The following PRKAA1 variants were observed in gnomAD, a reference collection of about 807,000 sequenced individuals.
The protein encoded by PRKAA1 is 5'-AMP-activated protein kinase catalytic subunit alpha-1.
PRKAA1 carries 23 observed loss-of-function variants against 56.9 expected under a neutral mutation model. The observed-to-expected ratio is 0.40, with a 90% CI of 0.29 to 0.57. The LOEUF (loss-of-function observed/expected upper bound fraction) is 0.57. Among genes scored for constraint, PRKAA1 ranks in the 20% least tolerant of loss-of-function variants. The probability of loss-of-function intolerance (pLI) is 0.39; values close to 1 mark genes in which losing one functional copy is unlikely to be tolerated. For synonymous variants in PRKAA1, 226 were observed against 227.0 expected (o/e 1.00, Z 0.04); for missense variants, 413 against 679.7 (o/e 0.61, Z 4.36).
intron 1 of PRKAA1, among the ~76,000 whole-genome samples, chr5:40,793,317 G>T (rs190286277): frequency 6.6e-6 from 1 of 151,950 alleles, no homozygotes; most frequent in African/African-American, 2.4e-5. Flanking sequence ...AGATGCCTTG[G>T]AAACAATAAA....
At chr5:40,797,619 A>G (rs1744985409) in intron 1 of PRKAA1, among the ~76,000 whole-genome samples, 2 of 152,226 alleles carry the variant, frequency 1.3e-5, no homozygotes, top group Admixed American at 6.5e-5. Context: ...GAGGACGGAA[A>G]TACCGACAAC....
Position 40,798,186 on chromosome 5 carries a change from G to A in PRKAA1, c.4C>T (p.Arg2Cys), listed in dbSNP as rs1033125825. 1.3e-6 allele frequency: 2 copies of A among 1,536,020 alleles called. No individual in the cohort carries two copies. Among genetic ancestry groups the A allele is most frequent in the Admixed American group, 1.8e-5 (1 of 54,396 alleles). ...ATCTTTCTCCAGGAACTGAGTCTGC[G>A]CATGGCGCTGCGGGAGGGGGCGGAG... Reference protein sequence around the residue: MRRLSSWRKMAT... With the variant: MCRLSSWRKMAT... The change falls in exon 1 of 9, where the codon CGC becomes TGC. Residue 2 changes from arginine (R) to cysteine (C), a missense_variant. Physicochemically the swap from Arg to Cys is radical, Grantham distance 180. Around this residue, in one of 9 missense-constraint regions of PRKAA1, gnomAD observed 61 missense variants for 73.1 expected, o/e 0.83. Transcript: ENST00000397128.
chr5:40,784,516 C>T (rs1328768607), intron 1 of PRKAA1, among the ~76,000 whole-genome samples: 3 of 152,148 alleles, frequency 2.0e-5, no homozygotes, highest in Non-Finnish European at 4.4e-5. Context: ...AGTGATTTCA[C>T]CTACTACAGG....
At position 40,761,540 on chromosome 5, in the gene PRKAA1, T is replaced by C. The variant is rs1008565187; in HGVS notation, c.*1238A>G. 1 of 152,186 alleles carries C rather than the reference T, an allele frequency of 6.6e-6. No individual in the cohort carries two copies. Among genetic ancestry groups the C allele is most frequent in the Non-Finnish European group, 1.5e-5 (1 of 68,020 alleles). 9.4% of individuals were successfully genotyped at this position (152,186 alleles called of 1,614,324 possible). ...ATTAACAACTGCTGAATCTAAATGG[T>C]AGATATACATGTGCTTACCAAACAG... On this transcript the variant is annotated 3_prime_UTR_variant, in exon 9 of 9. Coordinates refer to ENST00000397128, the MANE Select transcript of PRKAA1 (RefSeq NM_006251.6).
At chr5:40,791,977 T>A (rs1459012117) in intron 1 of PRKAA1, among the ~76,000 whole-genome samples, 1 of 152,362 alleles carries the variant, frequency 6.6e-6, no homozygotes, top group East Asian at 1.9e-4. Context: ...TATTTATTTT[T>A]ACAAATGTCA....
At chr5:40,792,445 T>A (rs891451636) in intron 1 of PRKAA1, among the ~76,000 whole-genome samples, 1 of 152,158 alleles carries the variant, frequency 6.6e-6, no homozygotes, top group Admixed American at 6.5e-5. Flanking sequence ...ATAAAATAAT[T>A]CCTAGAAGTT....
At position 40,759,904 on chromosome 5, in the gene PRKAA1, G is replaced by A. The variant is rs1743096585; in HGVS notation, c.*2874C>T. The A allele has an allele frequency of 6.6e-6, 1 of 152,590 alleles. No homozygotes were observed. Among genetic ancestry groups the A allele is most frequent in the South Asian group, 2.1e-4 (1 of 4,824 alleles). 9.5% of individuals were successfully genotyped at this position (152,590 alleles called of 1,614,324 possible). The stretch of plus-strand genomic sequence containing the variant: ...ATTAAGCTCCCATATGCCCCAACCT[G>A]GTAGAAAAGTTCCTCTCAGTGAGAA... On this transcript the variant is annotated 3_prime_UTR_variant, in exon 9 of 9. Coordinates refer to ENST00000397128, the MANE Select transcript of PRKAA1 (RefSeq NM_006251.6).
intron 5 of PRKAA1, chr5:40,768,924 T>C (rs552250739): frequency 1.2e-5 from 18 of 1,542,104 alleles, no homozygotes; most frequent in East Asian, 2.3e-5. Flanking sequence ...AAAATTCTTA[T>C]AATATTGCAG....
chr5:40,772,863 AGCTCAGGCAATCTACC>A (rs1042465146), intron 3 of PRKAA1, among the ~76,000 whole-genome samples: 11 of 152,274 alleles, frequency 7.2e-5, no homozygotes, highest in South Asian at 2.1e-4. Context: ...CGAACTCCTG[AGCTCAGGCAATCTACC>A]GCTTCAGCAT....
At chr5:40,766,270 T>G (rs1308540514) in intron 6 of PRKAA1, among the ~76,000 whole-genome samples, 2 of 152,202 alleles carry the variant, frequency 1.3e-5, no homozygotes, top group African/African-American at 4.8e-5. Flanking sequence ...TAATCTTTCC[T>G]TCTTCTTCAT....
intron 3 of PRKAA1, 83 bp downstream of exon 3, chr5:40,775,325 TAA>T: frequency 9.6e-7 from 1 of 1,042,250 alleles, no homozygotes; most frequent in Non-Finnish European, 1.5e-6. Flanking sequence ...ATAGACCTCT[TAA>T]AATTGGTTGC....
intron 4 of PRKAA1, 142 bp downstream of exon 4, chr5:40,771,577 A>T (rs1015044645): frequency 1.3e-6 from 1 of 778,636 alleles, no homozygotes; most frequent in Non-Finnish European, 1.9e-6. Context: ...TTGTATCTTC[A>T]TAGACAAAAC....
intron 1 of PRKAA1, among the ~76,000 whole-genome samples, chr5:40,783,397 T>C (rs557583656): frequency 6.6e-6 from 1 of 152,266 alleles, no homozygotes; most frequent in East Asian, 1.9e-4. Flanking sequence ...TATGCTAAAA[T>C]GAAAAGTTAT....
At chr5:40,796,447 CA>C (rs1227786425) in intron 1 of PRKAA1, among the ~76,000 whole-genome samples, 2 of 151,734 alleles carry the variant, frequency 1.3e-5, no homozygotes, top group African/African-American at 2.4e-5. Flanking sequence ...CAAAAATGAA[CA>C]TTTTTTTTTT....
intron 1 of PRKAA1, 42 bp from the exon 2 acceptor site, chr5:40,777,628 T>G (rs767797837): frequency 6.5e-7 from 1 of 1,527,550 alleles, no homozygotes; most frequent in African/African-American, 1.4e-5. Flanking sequence ...TAAGTATGAT[T>G]AATAATATAT....
intron 4 of PRKAA1, 130 bp from the exon 5 acceptor site, chr5:40,769,633 T>C (rs1434578981): frequency 8.0e-6 from 6 of 749,890 alleles, no homozygotes; most frequent in Non-Finnish European, 1.3e-5. Context: ...AACAAAATCC[T>C]ATGGTCTATT....
chr5:40,796,126 G>A (rs1409562703), intron 1 of PRKAA1, among the ~76,000 whole-genome samples: 1 of 152,092 alleles, frequency 6.6e-6, no homozygotes, highest in African/African-American at 2.4e-5. Context: ...AGACCAGCCG[G>A]GCCAACATGG....
At chr5:40,794,397 T>C (rs1744840315) in intron 1 of PRKAA1, among the ~76,000 whole-genome samples, 1 of 152,214 alleles carries the variant, frequency 6.6e-6, no homozygotes, top group East Asian at 1.9e-4. Context: ...TTAGTACTTT[T>C]TCAGATGTAT....
chr5:40,764,381 CA>C (rs1743325364), intron 8 of PRKAA1, 132 bp downstream of exon 8: 1 of 834,888 alleles, frequency 1.2e-6, no homozygotes, highest in South Asian at 2.3e-5. Flanking sequence ...TGCAAAGGCA[CA>C]AGAAATCACA....
Sources: allele counts gnomAD v4.1 joint callset (sites outside exome capture counted in the v4.1 genomes callset), GRCh38; gene constraint gnomAD v4.1.1; regional missense constraint gnomAD v4.1.1; transcripts MANE v1.5; gene names NCBI Gene and HGNC (gene_info 2026-07-23, HGNC 2026-07-21).